Variants in SLC8A1 observed in about 807,000 individuals in gnomAD.
The protein encoded by SLC8A1 is sodium/calcium exchanger 1.
A neutral mutation model predicts 68.3 loss-of-function variants in SLC8A1; 18 were observed. The ratio of observed to expected loss-of-function variants is 0.26; its 90% CI spans 0.18 to 0.39. The LOEUF (loss-of-function observed/expected upper bound fraction) is 0.39, where lower values mean the gene tolerates loss of function less well. Ranked by LOEUF, SLC8A1 falls within the 10% of genes least tolerant of loss-of-function variation. The pLI is 1.00. For missense variants in SLC8A1, 985 were observed against 1,156.7 expected (o/e 0.85, Z 2.15); for synonymous variants, 475 against 415.5 (o/e 1.14, Z -1.74).
intron 2 of SLC8A1, among the ~76,000 whole-genome samples, chr2:40,256,878 G>A (rs1262458095): frequency 2.6e-5 from 4 of 152,020 alleles, no homozygotes; most frequent in African/African-American, 2.4e-5. Context: ...TTACTCTCTG[G>A]CTGCCTTCCC....
intron 2 of SLC8A1, among the ~76,000 whole-genome samples, chr2:40,253,899 T>C (rs1469121570): frequency 9.1e-6 from 1 of 110,246 alleles, no homozygotes; most frequent in Non-Finnish European, 1.8e-5. Context: ...GAAACAAACG[T>C]TGGTTTATGG....
At chr2:40,466,926 A>G (rs1186791869) in intron 1 of SLC8A1, among the ~76,000 whole-genome samples, 1 of 151,864 alleles carries the variant, frequency 6.6e-6, no homozygotes, top group Admixed American at 6.6e-5. Context: ...AAAAGTGCCC[A>G]GATATTGAGA....
intron 2 of SLC8A1, among the ~76,000 whole-genome samples, chr2:40,374,555 G>A (rs531405420): frequency 9.2e-4 from 140 of 152,098 alleles, no homozygotes; most frequent in African/African-American, 3.2e-3. Context: ...ACCTGCCCCT[G>A]AATAGGCCTG....
intron 2 of SLC8A1, among the ~76,000 whole-genome samples, chr2:40,336,631 G>A (rs1000336586): frequency 6.6e-6 from 1 of 152,148 alleles, no homozygotes; most frequent in Admixed American, 6.6e-5. Flanking sequence ...CATTTCTGAA[G>A]ATGCTATGAT....
intron 2 of SLC8A1, among the ~76,000 whole-genome samples, chr2:40,412,206 A>G (rs777144967): frequency 3.3e-5 from 5 of 152,172 alleles, no homozygotes; most frequent in Middle Eastern, 3.4e-3. Context: ...TGTCAAGGAG[A>G]AAGTGATCTC....
At chr2:40,459,544 C>T (rs920611222) in intron 1 of SLC8A1, among the ~76,000 whole-genome samples, 6 of 152,250 alleles carry the variant, frequency 3.9e-5, no homozygotes, top group Non-Finnish European at 8.8e-5. Context: ...AGAGTTGTTT[C>T]AAAAAGACAG....
chr2:40,117,728 C>G (rs1363588027), intron 7 of SLC8A1, among the ~76,000 whole-genome samples: 2 of 152,126 alleles, frequency 1.3e-5, no homozygotes, highest in African/African-American at 4.8e-5. Flanking sequence ...TCCTGAGGTC[C>G]TGGGCATGCT....
intron 2 of SLC8A1, among the ~76,000 whole-genome samples, chr2:40,333,467 A>G (rs1359113830): frequency 6.6e-6 from 1 of 151,702 alleles, no homozygotes; most frequent in Non-Finnish European, 1.5e-5. Flanking sequence ...AAGAAAAAAA[A>G]AAAGAAAAAA....
At chr2:40,170,113 T>G (rs907881056) in intron 4 of SLC8A1, among the ~76,000 whole-genome samples, 168 bp downstream of exon 7, 4 of 152,154 alleles carry the variant, frequency 2.6e-5, no homozygotes. Flanking sequence ...TGCCCTCACG[T>G]GCTTGTGTTT....
chr2:40,365,992 T>C (rs1272881142), intron 2 of SLC8A1, among the ~76,000 whole-genome samples: 1 of 82,346 alleles, frequency 1.2e-5, no homozygotes, highest in East Asian at 2.3e-4. Flanking sequence ...TAAGACCCTG[T>C]CTGAAAAAAA....
Position 40,188,318 on chromosome 2 carries a change from G to A in SLC8A1, c.1809-10463C>T, listed in dbSNP as rs1455370739. 3.9e-5 allele frequency among the ~76,000 whole-genome samples: 6 copies of A among 152,122 alleles called. No individual in the cohort carries two copies. The East Asian group carries it at 5.8e-4, about 15-fold the overall frequency. ...CAAAATGTTCAAAGTTTAAGGTAACGTTTAAAATGATTTGTGGCAAAGAGC... is the reference window on the plus strand; with the variant it reads ...CAAAATGTTCAAAGTTTAAGGTAACATTTAAAATGATTTGTGGCAAAGAGC... On this transcript the variant is annotated intron_variant, in intron 2 of 7. Coordinates refer to ENST00000406785, the Ensembl canonical transcript of SLC8A1.
At chr2:40,245,953 T>C (rs1464216519) in intron 2 of SLC8A1, among the ~76,000 whole-genome samples, 1 of 152,216 alleles carries the variant, frequency 6.6e-6, no homozygotes, top group Non-Finnish European at 1.5e-5. Flanking sequence ...TACATAGTTA[T>C]AAGAAGCTGA....
chr2:40,219,470 G>A (rs1044914248), intron 2 of SLC8A1, among the ~76,000 whole-genome samples: 13 of 152,186 alleles, frequency 8.5e-5, no homozygotes, highest in African/African-American at 3.1e-4. Context: ...GCTCATTGAA[G>A]ACATTAGATA....
chr2:40,335,041 A>C (rs1665489040), intron 2 of SLC8A1, among the ~76,000 whole-genome samples: 2 of 152,182 alleles, frequency 1.3e-5, no homozygotes, highest in African/African-American at 2.4e-5. Context: ...CTCATTCTCC[A>C]AAGAGGTCAT....
At chr2:40,123,454 T>C (rs767607267) in intron 7 of SLC8A1, among the ~76,000 whole-genome samples, 3 of 152,208 alleles carry the variant, frequency 2.0e-5, no homozygotes, top group Non-Finnish European at 4.4e-5. Context: ...AATTACACTC[T>C]GCCACTCACA....
At chr2:40,405,178 C>G (rs1159779237) in intron 2 of SLC8A1, among the ~76,000 whole-genome samples, 1 of 152,070 alleles carries the variant, frequency 6.6e-6, no homozygotes, top group African/African-American at 2.4e-5. Context: ...TAAGAAATAC[C>G]CCAATTACTG....
At chr2:40,510,885 AATAAAAACACATTTC>A (rs1291138980) in intron 1 of SLC8A1, among the ~76,000 whole-genome samples, 1 of 152,170 alleles carries the variant, frequency 6.6e-6, no homozygotes, top group African/African-American at 2.4e-5. Context: ...GCACTATTGA[AATAAAAACACATTTC>A]CTCTTTCTCT....
At chr2:40,385,521 GATA>G (rs1447475660) in intron 2 of SLC8A1, among the ~76,000 whole-genome samples, 1 of 91,568 alleles carries the variant, frequency 1.1e-5, no homozygotes, top group Non-Finnish European at 2.2e-5. Context: ...ATAAACACGG[GATA>G]ATGATAATAA....
chr2:40,325,434 G>A (rs1340666303), intron 2 of SLC8A1, among the ~76,000 whole-genome samples: 1 of 152,082 alleles, frequency 6.6e-6, no homozygotes, highest in African/African-American at 2.4e-5. Context: ...CCCTGAGAAA[G>A]GCTAGGCATA....
Sources: allele counts gnomAD v4.1 joint callset (sites outside exome capture counted in the v4.1 genomes callset), GRCh38; gene constraint gnomAD v4.1.1; transcripts MANE v1.5; gene names NCBI Gene and HGNC (gene_info 2026-07-23, HGNC 2026-07-21).